AGBL2: variants seen among roughly 807,000 people sequenced by gnomAD.
The protein encoded by AGBL2 is AGBL carboxypeptidase 2.
A neutral mutation model predicts 103.0 loss-of-function variants in AGBL2; 87 were observed. The ratio of observed to expected loss-of-function variants is 0.84; its 90% CI spans 0.71 to 1.01. AGBL2 has a LOEUF of 1.01. Among genes scored for constraint, AGBL2 ranks in the 50% least tolerant of loss-of-function variants. AGBL2 has a pLI of 0.00. For synonymous variants in AGBL2, 335 were observed against 356.7 expected, an observed-to-expected ratio of 0.94 and a Z score of 0.69; for missense variants, 904 against 1,023.5, an observed-to-expected ratio of 0.88 and a Z score of 1.59.
intron 8 of AGBL2, 113 bp from the exon 9 acceptor site, chr11:47,692,369 T>C: frequency 1.4e-6 from 1 of 697,958 alleles, no homozygotes; most frequent in South Asian, 2.9e-5. Context: ...CAATGAAATT[T>C]CTAATTTTCA....
intron 4 of AGBL2, among the ~76,000 whole-genome samples, chr11:47,707,024 TAA>T (rs61459888): frequency 3.0e-3 from 335 of 111,602 alleles, no homozygotes; most frequent in African/African-American, 4.2e-3. Context: ...CTGTCTCTAC[TAA>T]AAAAAAAAAA....
At chr11:47,679,878 G>T in intron 13 of AGBL2, 95 bp downstream of exon 13, 1 of 747,566 alleles carries the variant, frequency 1.3e-6, no homozygotes, top group Non-Finnish European at 2.3e-6. Flanking sequence ...CTGAGCTCAG[G>T]CAATCCACCC....
At chr11:47,688,710 A>C (rs1378684112) in intron 10 of AGBL2, among the ~76,000 whole-genome samples, 1 of 152,166 alleles carries the variant, frequency 6.6e-6, no homozygotes, top group Non-Finnish European at 1.5e-5. Flanking sequence ...AGCCAAGGTC[A>C]CAGAACCAGC....
chr11:47,700,635 G>A (rs1034914033), intron 7 of AGBL2, among the ~76,000 whole-genome samples: 10 of 151,868 alleles, frequency 6.6e-5, no homozygotes, highest in Admixed American at 4.6e-4. Context: ...TTTCCTTTAC[G>A]GAACTTGAAC....
At chr11:47,662,535 C>G (rs2153802480) in intron 18 of AGBL2, among the ~76,000 whole-genome samples, 1 of 150,816 alleles carries the variant, frequency 6.6e-6, no homozygotes, top group Non-Finnish European at 1.5e-5. Flanking sequence ...CTCTGTCACC[C>G]AGGCTGGAGT....
At chr11:47,680,314 C>A (rs573121070) in intron 12 of AGBL2, among the ~76,000 whole-genome samples, 4 of 151,862 alleles carry the variant, frequency 2.6e-5, no homozygotes, top group African/African-American at 7.3e-5. Flanking sequence ...ATTAGCCGGG[C>A]GTGGTGGTGG....
intron 15 of AGBL2, 85 bp from the exon 16 acceptor site, chr11:47,667,781 G>T (rs2097345327): frequency 6.9e-6 from 10 of 1,451,932 alleles, no homozygotes; most frequent in Non-Finnish European, 9.4e-6. Flanking sequence ...CAACACTCAA[G>T]ACACAAAGGC....
At chr11:47,706,292 G>A (rs1321279450) in intron 4 of AGBL2, among the ~76,000 whole-genome samples, 1 of 152,042 alleles carries the variant, frequency 6.6e-6, no homozygotes, top group Non-Finnish European at 1.5e-5. Flanking sequence ...TGAGGTGGGC[G>A]GATCACGAGG....
chr11:47,695,512 G>C (rs1250012476), intron 8 of AGBL2, among the ~76,000 whole-genome samples: 2 of 143,604 alleles, frequency 1.4e-5, no homozygotes, highest in African/African-American at 5.2e-5. Context: ...AGGGGAATGG[G>C]ACCTGTAATC....
At position 47,660,116 on chromosome 11, in the gene AGBL2, A is replaced by C; in HGVS notation, c.*57T>G. On this transcript the variant is annotated 3_prime_UTR_variant, in exon 19 of 19. Transcript: ENST00000525123. ...AGTCATACATCTCCCCCATTATAAA[A>C]TGTGTCTAATCTCAAAACCCCCGAT... 1 of 1,534,388 alleles carries C rather than the reference A, an allele frequency of 6.5e-7. No individual in the cohort carries two copies. Among genetic ancestry groups the C allele is most frequent in the Non-Finnish European group, 8.8e-7 (1 of 1,132,498 alleles).
intron 17 of AGBL2, 151 bp from the exon 18 acceptor site, chr11:47,663,263 G>T: frequency 1.7e-6 from 1 of 589,010 alleles, no homozygotes; most frequent in Non-Finnish European, 2.9e-6. Context: ...ATTCAAAGAA[G>T]GAAAAACAAT....
Position 47,667,399 on chromosome 11 carries a change from C to T in AGBL2, c.2340+172G>A, listed in dbSNP as rs77689778. 4.0e-3 allele frequency among the ~76,000 whole-genome samples: 602 copies of T among 152,216 alleles called. 3 individuals carry two copies. Among genetic ancestry groups the T allele is most frequent in the African/African-American group, 0.014 (572 of 41,548 alleles). ...CAGTGGGCCAAGGCCAAAACCTGCT[C>T]GGAGATGTCCGGAGGGCCCCTGGAA... On this transcript the variant is annotated intron_variant, in intron 16 of 18. Coordinates refer to ENST00000525123, the MANE Select transcript of AGBL2 (RefSeq NM_024783.4).
intron 8 of AGBL2, among the ~76,000 whole-genome samples, chr11:47,696,459 G>A (rs909163189): frequency 6.6e-6 from 1 of 151,856 alleles, no homozygotes. Context: ...GAGAGACAGG[G>A]TTTCACGTAG....
intron 9 of AGBL2, 106 bp from the exon 10 acceptor site, chr11:47,690,964 G>T: frequency 1.1e-6 from 1 of 871,330 alleles, no homozygotes; most frequent in Non-Finnish European, 1.7e-6. Context: ...TATTACAACA[G>T]AAAAATCTGC....
intron 10 of AGBL2, among the ~76,000 whole-genome samples, chr11:47,687,407 T>C (rs2097428296): frequency 6.6e-6 from 1 of 152,034 alleles, no homozygotes; most frequent in Non-Finnish European, 1.5e-5. Flanking sequence ...ACCCCACTTA[T>C]ACTAGAAATG....
At chr11:47,683,328 G>A (rs1289926030) in intron 11 of AGBL2, among the ~76,000 whole-genome samples, 2 of 151,840 alleles carry the variant, frequency 1.3e-5, no homozygotes, top group African/African-American at 2.4e-5. Flanking sequence ...AGCTGAGATC[G>A]TGCCACTGAC....
intron 13 of AGBL2, among the ~76,000 whole-genome samples, chr11:47,678,819 A>G (rs1248900302): frequency 6.6e-6 from 1 of 150,888 alleles, no homozygotes; most frequent in African/African-American, 2.4e-5. Context: ...GCAGTTTGGG[A>G]GGCTGAGGCG....
chr11:47,714,875 C>CTAAA, intron 1 of AGBL2, 125 bp from the exon 2 acceptor site: 4 of 569,954 alleles, frequency 7.0e-6, no homozygotes, highest in South Asian at 4.0e-5. Flanking sequence ...GGTGGTCACG[C>CTAAA]CGAGGCCAGA....
intron 5 of AGBL2, 53 bp from the exon 6 acceptor site, chr11:47,705,687 A>T (rs1599087511): frequency 1.6e-6 from 1 of 635,082 alleles, no homozygotes; most frequent in Admixed American, 2.6e-5. Context: ...GGGAATGAGG[A>T]AAAAAGAAAA....
Sources: allele counts gnomAD v4.1 joint callset (sites outside exome capture counted in the v4.1 genomes callset), GRCh38; gene constraint gnomAD v4.1.1; transcripts MANE v1.5; gene names NCBI Gene and HGNC (gene_info 2026-07-23, HGNC 2026-07-21).